Variants in PLEKHA7 observed in about 807,000 individuals in gnomAD.
The protein encoded by PLEKHA7 is pleckstrin homology domain containing A7, also known as pleckstrin homology domain-containing family A member 7.
A neutral mutation model predicts 170.0 loss-of-function variants in PLEKHA7; 104 were observed. The observed-to-expected ratio is 0.61, with a 90% confidence interval of 0.52 to 0.72. The LOEUF (loss-of-function observed/expected upper bound fraction) is 0.72, where lower values mean the gene tolerates loss of function less well. Among genes scored for constraint, PLEKHA7 ranks in the 30% least tolerant of loss-of-function variants. The pLI, the probability that PLEKHA7 is intolerant of heterozygous loss-of-function variation, is 0.00. For missense variants in PLEKHA7, 1,615 were observed against 1,671.7 expected (o/e 0.97, Z 0.59); for synonymous variants, 648 against 660.8 (o/e 0.98, Z 0.30).
At chr11:16,884,706 A>C (rs990657747) in intron 3 of PLEKHA7, among the ~76,000 whole-genome samples, 1 of 152,032 alleles carries the variant, frequency 6.6e-6, no homozygotes, top group African/African-American at 2.4e-5. Context: ...AAAAACAAAA[A>C]CTGTCGCAAC....
chr11:16,992,910 G>A (rs1473220401), intron 3 of PLEKHA7, among the ~76,000 whole-genome samples: 1 of 152,168 alleles, frequency 6.6e-6, no homozygotes, highest in East Asian at 1.9e-4. Flanking sequence ...CAAATAATGT[G>A]TAAAAAGTTT....
intron 10 of PLEKHA7, among the ~76,000 whole-genome samples, chr11:16,818,766 A>G (rs1313584004): frequency 6.7e-6 from 1 of 150,230 alleles, no homozygotes; most frequent in Non-Finnish European, 1.5e-5. Flanking sequence ...AAAAACTAAC[A>G]CCAACTAGCC....
chr11:16,958,220 G>A (rs1861829031), intron 3 of PLEKHA7, among the ~76,000 whole-genome samples: 1 of 152,086 alleles, frequency 6.6e-6, no homozygotes, highest in South Asian at 2.1e-4. Context: ...AGGAGGCTAA[G>A]GTGGGAGGAT....
intron 3 of PLEKHA7, among the ~76,000 whole-genome samples, chr11:16,871,395 T>G (rs1305713135): frequency 6.6e-6 from 1 of 152,122 alleles, no homozygotes; most frequent in African/African-American, 2.4e-5. Flanking sequence ...AGAGCCCACC[T>G]ACGAGACAGG....
intron 3 of PLEKHA7, among the ~76,000 whole-genome samples, chr11:16,914,623 T>C (rs531827138): frequency 9.3e-4 from 142 of 152,290 alleles, no homozygotes; most frequent in African/African-American, 2.4e-3. Context: ...AAGGGAGAAA[T>C]GTGGAATCCT....
At chr11:16,782,076 GACACACACACATACACACAGTC>G (rs1251565505) in intron 26 of PLEKHA7, among the ~76,000 whole-genome samples, 3 of 151,372 alleles carry the variant, frequency 2.0e-5, no homozygotes, top group African/African-American at 7.3e-5. Flanking sequence ...TTTATACACA[GACACACACACATACACACAGTC>G]ACACACACAC....
chr11:16,798,507 T>C (rs1016710938), intron 17 of PLEKHA7, among the ~76,000 whole-genome samples: 1 of 152,064 alleles, frequency 6.6e-6, no homozygotes, highest in African/African-American at 2.4e-5. Flanking sequence ...ATATGTTAAA[T>C]CACCATGACA....
At chr11:16,901,642 G>C (rs1857345000) in intron 3 of PLEKHA7, among the ~76,000 whole-genome samples, 1 of 152,190 alleles carries the variant, frequency 6.6e-6, no homozygotes, top group East Asian at 1.9e-4. Flanking sequence ...GCCAAGGCCG[G>C]AAGATAGCTT....
chr11:16,789,270 C>T lies in PLEKHA7; in HGVS notation c.3183G>A (p.Leu1061=), dbSNP rs1406547327. 1.9e-6 allele frequency: 3 copies of T among 1,613,486 alleles called. No homozygotes were observed. Among genetic ancestry groups the T allele is most frequent in the East Asian group, 2.2e-5 (1 of 44,890 alleles). Residue 1061 remains leucine (L), a synonymous_variant, in exon 23 of 27, where the codon CTG becomes CTA. Coordinates refer to ENST00000531066, the MANE Select transcript of PLEKHA7 (RefSeq NM_001329630.2). This position sits in a 1 kb window ranked among gnomAD's most constrained non-coding sequence, Gnocchi z 4.6. ...FPRPKSALER[L]YSGDHQRGKM... ...TGCCTCGCTGGTGATCCCCTGAGTA[C>T]AGGCGCTCCAAGGCACTCTTAGGTC...
At chr11:16,998,401 T>C (rs1400747072) in intron 3 of PLEKHA7, among the ~76,000 whole-genome samples, 2 of 152,220 alleles carry the variant, frequency 1.3e-5, no homozygotes, top group South Asian at 4.1e-4. Flanking sequence ...TGGAAAGGCC[T>C]GGCAAGATTA....
chr11:16,911,575 T>G (rs990897065), intron 3 of PLEKHA7, among the ~76,000 whole-genome samples: 2 of 152,000 alleles, frequency 1.3e-5, no homozygotes, highest in African/African-American at 4.8e-5. Context: ...AGTAGTCTTG[T>G]CCCTTATTGA....
chr11:16,859,231 A>T (rs1388004564), intron 4 of PLEKHA7, among the ~76,000 whole-genome samples: 2 of 152,188 alleles, frequency 1.3e-5, no homozygotes, highest in Admixed American at 1.3e-4. Context: ...AGGCACACAC[A>T]GCTACCCACT....
intron 3 of PLEKHA7, among the ~76,000 whole-genome samples, chr11:16,976,916 G>T (rs1457306593): frequency 6.6e-6 from 1 of 152,106 alleles, no homozygotes; most frequent in African/African-American, 2.4e-5. Context: ...ATGCTTGCAT[G>T]CCAGCCATTC....
At chr11:16,803,518 G>A in intron 13 of PLEKHA7, 1 of 534,518 alleles carries the variant, frequency 1.9e-6, no homozygotes, top group Admixed American at 3.3e-5. Context: ...ATGCTGGTAA[G>A]TCCTTTGAGT....
At chr11:16,952,002 C>G (rs1043284319) in intron 3 of PLEKHA7, among the ~76,000 whole-genome samples, 4 of 152,214 alleles carry the variant, frequency 2.6e-5, no homozygotes, top group African/African-American at 9.7e-5. Flanking sequence ...GGACTGTGAT[C>G]TGAAATAGCC....
At chr11:16,950,509 T>TG (rs1325405379) in intron 3 of PLEKHA7, among the ~76,000 whole-genome samples, 1 of 151,774 alleles carries the variant, frequency 6.6e-6, no homozygotes, top group Non-Finnish European at 1.5e-5. Context: ...ACTTTTTTTT[T>TG]TTTTTTCATA....
At chr11:16,866,027 T>C (rs1854362685) in intron 4 of PLEKHA7, among the ~76,000 whole-genome samples, 1 of 151,604 alleles carries the variant, frequency 6.6e-6, no homozygotes, top group Non-Finnish European at 1.5e-5. Context: ...TTAGTAGAGA[T>C]GGGGTTTCAT....
intron 12 of PLEKHA7, among the ~76,000 whole-genome samples, chr11:16,814,949 G>A (rs952093043): frequency 1.3e-5 from 2 of 152,182 alleles, no homozygotes; most frequent in Non-Finnish European, 2.9e-5. Flanking sequence ...CCAGAGAAGC[G>A]ACAGTTTAGG....
In PLEKHA7 at chr11:16,978,425, G is replaced by A. The variant is rs150064295; in HGVS notation, c.221+35564C>T. 1.1e-4 allele frequency among the ~76,000 whole-genome samples: 17 copies of A among 152,352 alleles called. No homozygotes were observed. The East Asian group carries it at 3.1e-3, about 28-fold the overall frequency. Reference sequence around the variant, plus strand: ...AGAGAGAAAGTCAATCACAGGGAAAGAGGTGTAGCAGGCCTGAGCAAACCC... The same window carrying A: ...AGAGAGAAAGTCAATCACAGGGAAAAAGGTGTAGCAGGCCTGAGCAAACCC... On this transcript the variant is annotated intron_variant, in intron 3 of 26. Coordinates refer to ENST00000531066, the MANE Select transcript of PLEKHA7 (RefSeq NM_001329630.2).
Sources: allele counts gnomAD v4.1 joint callset (sites outside exome capture counted in the v4.1 genomes callset), GRCh38; gene constraint gnomAD v4.1.1; non-coding constraint Gnocchi (gnomAD v3.1); transcripts MANE v1.5; gene names NCBI Gene and HGNC (gene_info 2026-07-23, HGNC 2026-07-21).